KRI1: variants seen among roughly 807,000 people sequenced by gnomAD.
The protein encoded by KRI1 is KRI1 homolog.
Under a neutral mutation model 97.0 loss-of-function variants are expected in KRI1, and 83 were observed. The observed-to-expected ratio is 0.86, with a 90% CI of 0.72 to 1.03. KRI1 has a LOEUF of 1.03. KRI1 is among the 50% of genes least tolerant of loss of function. The pLI is 0.00. For missense variants in KRI1, 916 were observed against 928.4 expected (o/e 0.99, Z 0.17); for synonymous variants, 371 against 363.5 (o/e 1.02, Z -0.23).
rs1178122236 is a variant in KRI1 at position 10,554,277 on chromosome 19, C to G, written c.1786G>C (p.Glu596Gln). ...VFKSLCREEA[E>Q]TPAEATGKPQ... ...TTCCCTGTGGCTTCCGCAGGTGTCT[C>G]TGCCCTGAGGGAGAAAAGTCAGGGC... is the stretch of plus-strand genomic sequence containing the variant. Residue 596 changes from glutamate to glutamine, a missense_variant, in exon 19 of 19, where the codon GAG (glutamate) becomes CAG (glutamine). Transcript: ENST00000312962. 2 of 1,613,644 alleles carry G rather than the reference C, an allele frequency of 1.2e-6. No homozygotes were observed. The highest frequency in any genetic ancestry group is 1.7e-6 in the Non-Finnish European group (2 of 1,179,946).
Position 10,555,153 on chromosome 19 carries a change from G to A in KRI1, c.1715C>T (p.Ala572Val), listed in dbSNP as rs1300578194. 25 of 1,612,444 alleles carry A rather than the reference G, an allele frequency of 1.6e-5. No individual in the cohort carries two copies. The highest frequency in any genetic ancestry group is 2.2e-5 in the East Asian group (1 of 44,784). The change falls in exon 18 of 19, where the codon GCG (alanine) becomes GTG (valine). Residue 572 changes from alanine (A) to valine (V), a missense_variant. Physicochemically the swap from Ala to Val is moderately conservative, Grantham distance 64. Coordinates refer to ENST00000312962, the MANE Select transcript of KRI1 (RefSeq NM_023008.5). ...TGAGTTCTGGGCCTTCTGGCTGTAC[G>A]CCCGCTTGTCCCGCAGCTCCTCCTG... ...SEQEELRDKR[A>V]YSQKAQNSWK...
chr19:10,565,128 AG>A (rs1417916069), intron 2 of KRI1, 94 bp from the exon 3 acceptor site: 5 of 770,408 alleles, frequency 6.5e-6, no homozygotes, highest in Non-Finnish European at 6.7e-6. Context: ...ATTAGGATGG[AG>A]GGGGGTGGAT....
In KRI1 at chr19:10,565,030, A is replaced by C. The variant is rs143786059; in HGVS notation, c.173T>G (p.Phe58Cys). 3 of 1,605,240 alleles carry C rather than the reference A, an allele frequency of 1.9e-6. No individual in the cohort carries two copies. The highest frequency in any genetic ancestry group is 2.6e-6 in the Non-Finnish European group (3 of 1,172,030). ...ESDSSDERVE[F>C]DPQQERDFYK... Reference sequence around the variant, plus strand: ...AAAGTCCCGCTCCTGCTGGGGATCAAATTCCTAGGGCAGGAAAAGGGTTGG... The same window carrying C: ...AAAGTCCCGCTCCTGCTGGGGATCACATTCCTAGGGCAGGAAAAGGGTTGG... The change falls in exon 3 of 19, where the codon TTT becomes TGT. Residue 58 changes from phenylalanine to cysteine, a missense_variant. By Grantham distance (205) the Phe-to-Cys change is radical. Transcript: ENST00000312962.
Position 10,561,273 on chromosome 19 carries a change from C to T in KRI1, c.489-8G>A, listed in dbSNP as rs772451009. 7.4e-6 allele frequency: 12 copies of T among 1,613,538 alleles called. No individual in the cohort carries two copies. Among genetic ancestry groups the T allele is most frequent in the Admixed American group, 3.3e-5 (2 of 59,984 alleles). On this transcript the variant is annotated splice_polypyrimidine_tract_variant and splice_region_variant and intron_variant, in intron 6 of 18. Coordinates refer to ENST00000312962, the MANE Select transcript of KRI1 (RefSeq NM_023008.5). Reference sequence around the variant, plus strand: ...TCCACAAATGCCCGGAAGCTGCCCACGAGAGAAAACAAGCCTCAGGACAGG... The same window carrying T: ...TCCACAAATGCCCGGAAGCTGCCCATGAGAGAAAACAAGCCTCAGGACAGG...
intron 3 of KRI1, 88 bp from the exon 4 acceptor site, chr19:10,562,925 A>G (rs1916744409): frequency 1.2e-6 from 1 of 803,692 alleles, no homozygotes; most frequent in East Asian, 2.4e-5. Flanking sequence ...CCAGGGTTAG[A>G]CAGAGGATTC....
Position 10,564,980 on chromosome 19 carries a change from T to C in KRI1, c.223A>G (p.Lys75Glu), listed in dbSNP as rs1916817485. The C allele has an allele frequency of 1.2e-6, 2 of 1,613,862 alleles. No individual in the cohort carries two copies. The highest frequency in any genetic ancestry group is 2.7e-5 in the African/African-American group (2 of 74,906). ...DFYKTLSLLK[K>E]KDPRIYQKDA... The stretch of plus-strand genomic sequence containing the variant: ...TTCTGATAAATGCGGGGGTCCTTCT[T>C]CTTCAACAAGGAGAGCGTTTTGTAA... Residue 75 changes from lysine to glutamate, a missense_variant, in exon 3 of 19, where the codon AAG becomes GAG. Transcript: ENST00000312962.
In KRI1 at chr19:10,563,552, G is replaced by A. The variant is rs374765995; in HGVS notation, c.275-715C>T. On this transcript the variant is annotated intron_variant, in intron 3 of 18. Coordinates refer to ENST00000312962, the MANE Select transcript of KRI1 (RefSeq NM_023008.5). ...AGTAGAGATGGGGTTTCACCATGTTGGCCAGGCTGGTCTCGAACTCCTGAC... is the reference window on the plus strand; with the variant it reads ...AGTAGAGATGGGGTTTCACCATGTTAGCCAGGCTGGTCTCGAACTCCTGAC... Among the ~76,000 whole-genome samples, 53 of 151,936 alleles carry A rather than the reference G, an allele frequency of 3.5e-4. 1 individual carries two copies. The East Asian group carries it at 8.9e-3, about 26-fold the overall frequency.
Position 10,561,760 on chromosome 19 carries a change from AG to A in KRI1, c.438+30del, listed in dbSNP as rs1343259150. 3.1e-6 allele frequency: 5 copies of A among 1,613,654 alleles called. No individual in the cohort carries two copies. In the East Asian group the frequency reaches 1.1e-4, roughly 36 times the overall value. On this transcript the variant is annotated intron_variant, in intron 5 of 18. Coordinates refer to ENST00000312962, the MANE Select transcript of KRI1 (RefSeq NM_023008.5). Reference sequence around the variant, plus strand: ...GTCTCAGGCCAGCCCCAGGCCCCTCAGCCCCCCGACCCAGCCTTCACCCCAC... The same window carrying A: ...GTCTCAGGCCAGCCCCAGGCCCCTCACCCCCCGACCCAGCCTTCACCCCAC...
At position 10,554,005 on chromosome 19, in the gene KRI1, G is replaced by C. The variant is rs1274111871; in HGVS notation, c.2058C>G (p.Phe686Leu). ...TCCTCCGCTGCCGGCCCAGCTGGCG[G>C]AAGTGCAGCCGTTTGGGGTTGAGGC... ...AFGLNPKRLH[F>L]RQLGRQRRKQ... Residue 686 changes from phenylalanine (F) to leucine (L), a missense_variant, in exon 19 of 19, where the codon TTC becomes TTG. By Grantham distance (22) the Phe-to-Leu change is conservative. This residue lies in a region of KRI1 where 672 missense variants were observed against 667.2 expected (regional missense o/e 1.01). Transcript: ENST00000312962. The C allele has an allele frequency of 2.5e-6, 4 of 1,613,086 alleles. No individual in the cohort carries two copies. The Admixed American group carries it at 5.0e-5, about 20-fold the overall frequency.
In KRI1 at chr19:10,557,509, C is replaced by A. The variant is rs781756291; in HGVS notation, c.1617+43G>T. ...GCCAGCTTTCTACCCCTTCGGCATA[C>A]CTGGTGCCCCCTGCAGTGTCCCTGC... On this transcript the variant is annotated intron_variant, in intron 16 of 18. Coordinates refer to ENST00000312962, the MANE Select transcript of KRI1 (RefSeq NM_023008.5). The A allele has an allele frequency of 5.7e-6, 9 of 1,591,472 alleles. No individual in the cohort carries two copies. In the Middle Eastern group the frequency reaches 6.7e-4, roughly 118 times the overall value.
rs375924872 is a variant in KRI1 at position 10,557,679 on chromosome 19, T to A, written c.1490A>T (p.Asp497Val). 6.2e-7 allele frequency: 1 copy of A among 1,614,132 alleles called. No individual in the cohort carries two copies. The highest frequency in any genetic ancestry group is 1.1e-5 in the South Asian group (1 of 91,086). ...ATCCAGGTACTCCTCGAACGTCTTGTCCCCTGCTCGAGACAGAGCCAGGCT... is the reference window on the plus strand; with the variant it reads ...ATCCAGGTACTCCTCGAACGTCTTGACCCCTGCTCGAGACAGAGCCAGGCT... Reference protein sequence around the residue: ...GQEKPVFEPGDKTFEEYLDEY... With the variant: ...GQEKPVFEPGVKTFEEYLDEY... Residue 497 changes from aspartate to valine, a missense_variant, in exon 16 of 19, where the codon GAC (aspartate) becomes GTC (valine). Transcript: ENST00000312962.
rs1336694909 is a variant in KRI1 at position 10,553,937 on chromosome 19, C to T, written c.*14G>A. 1 of 1,567,806 alleles carries T rather than the reference C, an allele frequency of 6.4e-7. No individual in the cohort carries two copies. The highest frequency in any genetic ancestry group is 8.6e-7 in the Non-Finnish European group (1 of 1,157,762). On this transcript the variant is annotated 3_prime_UTR_variant, in exon 19 of 19. Coordinates refer to ENST00000312962, the MANE Select transcript of KRI1 (RefSeq NM_023008.5). ...GAGGAGAGGAGCCTGAGGCCCCTGC[C>T]TGCTCCCTGGTGCTCAGGAGCTGTT...
In KRI1 at chr19:10,557,609, G is replaced by A. The variant is rs764777753; in HGVS notation, c.1560C>T (p.Pro520=). 3.7e-6 allele frequency: 6 copies of A among 1,614,178 alleles called. No homozygotes were observed. Among genetic ancestry groups the A allele is most frequent in the Non-Finnish European group, 5.1e-6 (6 of 1,180,004 alleles). Residue 520 remains proline, a synonymous_variant, in exon 16 of 19, where the codon CCC becomes CCT. Transcript: ENST00000312962. ...LDYEDIIDDL[P]CRFKYRTVVP... Reference sequence around the variant, plus strand: ...CCACTGTGCGGTACTTGAAGCGACAGGGCAGGTCGTCGATGATGTCCTCGT... The same window carrying A: ...CCACTGTGCGGTACTTGAAGCGACAAGGCAGGTCGTCGATGATGTCCTCGT...
Position 10,558,053 on chromosome 19 carries a change from C to T in KRI1, c.1278G>A (p.Trp426Ter). 6.2e-7 allele frequency: 1 copy of T among 1,614,090 alleles called. No homozygotes were observed. The highest frequency in any genetic ancestry group is 8.5e-7 in the Non-Finnish European group (1 of 1,180,014). Reference sequence around the variant, plus strand: ...CAGGCCCGTCCCACGTGTCCCAGTTCCAGTCGTCTGGATGCAGGGAGAACA... The same window carrying T: ...CAGGCCCGTCCCACGTGTCCCAGTTTCAGTCGTCTGGATGCAGGGAGAACA... Reference protein sequence around the residue: ...FEEEEGLEDDWNWDTWDGPEQ... With the variant: ...FEEEEGLEDD The change falls in exon 14 of 19, where the codon TGG (tryptophan) becomes TGA (stop). Residue 426 changes from tryptophan (W) to a stop codon, truncating the protein, a stop_gained. Transcript: ENST00000312962. LOFTEE classifies it high-confidence loss of function.
intron 12 of KRI1, 42 bp downstream of exon 12, chr19:10,559,317 G>A: frequency 3.8e-6 from 6 of 1,594,692 alleles, no homozygotes; most frequent in Non-Finnish European, 5.1e-6. Flanking sequence ...AGCCATGTTT[G>A]TGTGAACTCA....
At chr19:10,559,085 A>G (rs1450010268) in intron 12 of KRI1, among the ~76,000 whole-genome samples, 1 of 149,754 alleles carries the variant, frequency 6.7e-6, no homozygotes, top group Non-Finnish European at 1.5e-5. Flanking sequence ...GCTTACTGCA[A>G]CCTCTGCCTC....
rs576307979 is a variant in KRI1 at position 10,557,200 on chromosome 19, G to A, written c.1617+352C>T. ...GCTCATTGCAACCTCTGCCTCCTGG[G>A]TTCAAGCGATTCTCCTGCCTCAGCC... On this transcript the variant is annotated intron_variant, in intron 16 of 18. Coordinates refer to ENST00000312962, the MANE Select transcript of KRI1 (RefSeq NM_023008.5). Among the ~76,000 whole-genome samples the A allele has an allele frequency of 2.7e-5, 4 of 150,914 alleles. No homozygotes were observed. The South Asian group carries it at 6.4e-4, about 24-fold the overall frequency.
Position 10,561,283 on chromosome 19 carries a change from C to G in KRI1, c.489-18G>C. The G allele has an allele frequency of 6.2e-7, 1 of 1,612,252 alleles. No homozygotes were observed. The highest frequency in any genetic ancestry group is 8.5e-7 in the Non-Finnish European group (1 of 1,178,476). On this transcript the variant is annotated intron_variant, in intron 6 of 18. Coordinates refer to ENST00000312962, the MANE Select transcript of KRI1 (RefSeq NM_023008.5). ...CCCGGAAGCTGCCCACGAGAGAAAA[C>G]AAGCCTCAGGACAGGCAGGCTGGCC... is the stretch of plus-strand genomic sequence containing the variant.
Position 10,555,188 on chromosome 19 carries a change from GCAGA to G in KRI1, c.1683-7_1683-4del. On this transcript the variant is annotated splice_region_variant and splice_polypyrimidine_tract_variant and intron_variant, in intron 17 of 18. Transcript: ENST00000312962. ...CCCGCAGCTCCTCCTGCTCTGACCT[GCAGA>G]CAGATGCCCCTGTGTTGGGTGCTCT... 6.3e-7 allele frequency: 1 copy of G among 1,579,992 alleles called. No individual in the cohort carries two copies.
Sources: allele counts gnomAD v4.1 joint callset (sites outside exome capture counted in the v4.1 genomes callset), GRCh38; gene constraint gnomAD v4.1.1; regional missense constraint gnomAD v4.1.1; transcripts MANE v1.5; gene names NCBI Gene and HGNC (gene_info 2026-07-23, HGNC 2026-07-21).